The following FGGY variants were observed in gnomAD, a reference collection of about 807,000 sequenced individuals.
FGGY encodes FGGY carbohydrate kinase domain containing, also known as FGGY carbohydrate kinase domain-containing protein.
A neutral mutation model predicts 71.3 loss-of-function variants in FGGY; 72 were observed. That is an observed-to-expected ratio of 1.01 (90% CI 0.84 to 1.23). The LOEUF is 1.23. Among genes scored for constraint, FGGY ranks in the 50% most tolerant of loss-of-function variants. The pLI, the probability that FGGY is intolerant of heterozygous loss-of-function variation, is 0.00. For missense variants in FGGY, 668 were observed against 682.3 expected, an observed-to-expected ratio of 0.98 and a Z score of 0.23; for synonymous variants, 251 against 250.3, an observed-to-expected ratio of 1.00 and a Z score of -0.02.
chr1:59,694,078 G>A (rs1163712556), intron 14 of FGGY, among the ~76,000 whole-genome samples: 1 of 151,688 alleles, frequency 6.6e-6, no homozygotes, highest in African/African-American at 2.4e-5. Flanking sequence ...GAGGAGGGCG[G>A]ATTACAAGGT....
rs185248837 is a variant in FGGY at position 59,744,844 on chromosome 1, G to C, written c.1513-13087G>C. Among the ~76,000 whole-genome samples, 36 of 152,322 alleles carry C rather than the reference G, an allele frequency of 2.4e-4. No individual in the cohort carries two copies. In the East Asian group the frequency reaches 6.9e-3, roughly 29 times the overall value. On this transcript the variant is annotated intron_variant, in intron 14 of 15. Coordinates refer to ENST00000303721, the MANE Select transcript of FGGY (RefSeq NM_018291.5). ...GGCTTCTACCCTTTGACATCTCACA[G>C]TCCAGTGGGGAGACGTAAGAAAACA...
At chr1:59,667,567 CG>C (rs889521610) in intron 13 of FGGY, among the ~76,000 whole-genome samples, 164 bp downstream of exon 13, 2 of 152,118 alleles carry the variant, frequency 1.3e-5, no homozygotes, top group African/African-American at 4.8e-5. Context: ...ACTTCTATGA[CG>C]TCTTTATATG....
chr1:59,720,802 A>G (rs1231924490), intron 14 of FGGY, among the ~76,000 whole-genome samples: 3 of 152,134 alleles, frequency 2.0e-5, no homozygotes, highest in Non-Finnish European at 4.4e-5. Context: ...GGAAGTTTCC[A>G]CTCATATTAT....
intron 7 of FGGY, among the ~76,000 whole-genome samples, chr1:59,528,032 G>A (rs1232845964): frequency 6.6e-6 from 1 of 152,078 alleles, no homozygotes; most frequent in African/African-American, 2.4e-5. Context: ...TTTAACTGGG[G>A]CCTAAATATC....
At chr1:59,543,165 G>A (rs1354024743) in intron 7 of FGGY, among the ~76,000 whole-genome samples, 2 of 152,098 alleles carry the variant, frequency 1.3e-5, no homozygotes, top group Non-Finnish European at 2.9e-5. Context: ...AACTATGTCA[G>A]CCACATGTCA....
intron 6 of FGGY, among the ~76,000 whole-genome samples, chr1:59,490,360 G>C (rs2093790127): frequency 6.6e-6 from 1 of 152,068 alleles, no homozygotes; most frequent in Admixed American, 6.6e-5. Context: ...ATTTAAATCA[G>C]GTTGGTTGTT....
intron 12 of FGGY, among the ~76,000 whole-genome samples, chr1:59,665,332 A>G (rs1255771402): frequency 2.6e-5 from 4 of 152,148 alleles, no homozygotes; most frequent in Non-Finnish European, 1.5e-5. Flanking sequence ...TTTTAAACAC[A>G]CTACATCTGT....
chr1:59,503,839 G>A (rs1202638849), intron 6 of FGGY, among the ~76,000 whole-genome samples: 2 of 151,648 alleles, frequency 1.3e-5, no homozygotes, highest in Admixed American at 6.6e-5. Context: ...TAACATTGGG[G>A]CACTTGAGGC....
chr1:59,355,318 C>T (rs901328993), intron 4 of FGGY, among the ~76,000 whole-genome samples: 17 of 151,896 alleles, frequency 1.1e-4, no homozygotes, highest in Admixed American at 7.9e-4. Flanking sequence ...AGTTAGAAGA[C>T]TAATGAACAG....
In FGGY at chr1:59,699,401, C is replaced by T. The variant is rs1310315820; in HGVS notation, c.1512+25268C>T. On this transcript the variant is annotated intron_variant, in intron 14 of 15. Transcript: ENST00000303721. ...AATGTACTTTTTCTTTTTGACGGTTCAGGCTTCTGTTAGTTTTGCAATAGT... is the reference window on the plus strand; with the variant it reads ...AATGTACTTTTTCTTTTTGACGGTTTAGGCTTCTGTTAGTTTTGCAATAGT... The T allele has an allele frequency of 3.0e-6, 3 of 985,094 alleles. No individual in the cohort carries two copies. The African/African-American group carries it at 5.2e-5, about 17-fold the overall frequency. 61.0% of individuals were successfully genotyped at this position (985,094 alleles called of 1,614,324 possible).
chr1:59,519,299 G>A (rs750499930), intron 7 of FGGY, among the ~76,000 whole-genome samples: 3 of 152,134 alleles, frequency 2.0e-5, no homozygotes, highest in South Asian at 2.1e-4. Flanking sequence ...ATTTATTGAC[G>A]ACCCACTTTA....
chr1:59,515,187 G>A (rs2094611101), intron 7 of FGGY, among the ~76,000 whole-genome samples: 1 of 152,122 alleles, frequency 6.6e-6, no homozygotes, highest in African/African-American at 2.4e-5. Context: ...TATGAGACCT[G>A]GAGTCAAAGG....
intron 6 of FGGY, among the ~76,000 whole-genome samples, chr1:59,491,249 T>C (rs2093852351): frequency 6.6e-6 from 1 of 151,424 alleles, no homozygotes; most frequent in Admixed American, 6.6e-5. Context: ...TTTTTTCTAT[T>C]TCTGTGAAGA....
chr1:59,521,563 A>G (rs1173334479), intron 7 of FGGY, among the ~76,000 whole-genome samples: 1 of 151,974 alleles, frequency 6.6e-6, no homozygotes, highest in Non-Finnish European at 1.5e-5. Context: ...TAATACATAC[A>G]CTCCTGTTTG....
At chr1:59,477,418 A>G (rs763984823) in intron 6 of FGGY, among the ~76,000 whole-genome samples, 1 of 152,070 alleles carries the variant, frequency 6.6e-6, no homozygotes, top group African/African-American at 2.4e-5. Flanking sequence ...CAGTTGACTA[A>G]TGGCCTCCTC....
intron 14 of FGGY, among the ~76,000 whole-genome samples, chr1:59,687,153 C>T (rs76688135): frequency 0.016 from 2,395 of 152,230 alleles, 68 homozygotes; most frequent in African/African-American, 0.055. Flanking sequence ...CAGGCTTGGC[C>T]ATTGGGAGGT....
intron 6 of FGGY, among the ~76,000 whole-genome samples, chr1:59,511,015 T>G (rs1480414171): frequency 6.6e-6 from 1 of 152,248 alleles, no homozygotes; most frequent in Non-Finnish European, 1.5e-5. Flanking sequence ...CTAGCCATAC[T>G]TCAAGTGCTC....
chr1:59,540,521 T>C (rs2095424029), intron 7 of FGGY, among the ~76,000 whole-genome samples: 1 of 152,214 alleles, frequency 6.6e-6, no homozygotes, highest in Non-Finnish European at 1.5e-5. Flanking sequence ...TCCTGTGGTG[T>C]AGACATCTGG....
At chr1:59,542,614 G>A (rs373121365) in intron 7 of FGGY, among the ~76,000 whole-genome samples, 5 of 151,508 alleles carry the variant, frequency 3.3e-5, no homozygotes, top group Non-Finnish European at 5.9e-5. Flanking sequence ...GCACCACCAC[G>A]CCCGGCTAAT....
Sources: gnomAD v4.1 joint callset for allele counts (sites outside exome capture counted in the v4.1 genomes callset) on GRCh38, gnomAD v4.1.1 for gene constraint, MANE v1.5 for transcripts, NCBI Gene and HGNC (gene_info 2026-07-23, HGNC 2026-07-21) for gene names.